Variants in UNC45B observed in about 807,000 individuals in gnomAD.
The protein encoded by UNC45B is protein unc-45 homolog B.
Under a neutral mutation model 98.7 loss-of-function variants are expected in UNC45B, and 78 were observed. The observed-to-expected ratio is 0.79, with a 90% CI of 0.66 to 0.95. UNC45B has a LOEUF of 0.95. UNC45B is among the 40% of genes least tolerant of loss of function. The pLI, the probability that UNC45B is intolerant of heterozygous loss-of-function variation, is 0.00. For synonymous variants in UNC45B, 462 were observed against 480.4 expected (o/e 0.96, Z 0.50); for missense variants, 1,225 against 1,184.9 (o/e 1.03, Z -0.50).
In UNC45B at chr17:35,187,986, A is replaced by C. The variant is rs2092313859; in HGVS notation, c.*1427A>C. ...CGTTGTGTAATAAATGTAAGTGTACATATGCCTGGGACATCAGCTGGAAAA... is the reference window on the plus strand; with the variant it reads ...CGTTGTGTAATAAATGTAAGTGTACCTATGCCTGGGACATCAGCTGGAAAA... On this transcript the variant is annotated 3_prime_UTR_variant, in exon 20 of 20. Coordinates refer to ENST00000394570, the MANE Select transcript of UNC45B (RefSeq NM_001267052.2). The C allele has an allele frequency of 6.6e-6, 1 of 152,262 alleles. No individual in the cohort carries two copies. The highest frequency in any genetic ancestry group is 6.5e-5 in the Admixed American group (1 of 15,288). The allele number at this position is 152,262 out of a possible 1,614,324, so 9.4% of individuals were successfully genotyped here. A position where few individuals can be genotyped will look rare whatever the true frequency, so the allele number is the denominator to read the frequency against.
rs5820105 is a variant in UNC45B, at chr17:35,188,467, CTTTT to C, written c.*1924_*1927del. On this transcript the variant is annotated 3_prime_UTR_variant, in exon 20 of 20. Transcript: ENST00000394570. ...GTTCATCTTGTTTGGATTGGAGAGA[CTTTT>C]TTTTTTTTTTTTTTTGAGACAGGGT... The C allele has an allele frequency of 2.7e-4, 35 of 129,698 alleles. No individual in the cohort carries two copies. The highest frequency in any genetic ancestry group is 6.2e-4 in the Admixed American group (8 of 12,918). The allele number at this position is 129,698 out of a possible 1,614,324, so 8.0% of individuals were successfully genotyped here.
chr17:35,183,981 A>AT (rs1185631991), intron 19 of UNC45B, among the ~76,000 whole-genome samples: 1 of 152,230 alleles, frequency 6.6e-6, no homozygotes, highest in African/African-American at 2.4e-5. Flanking sequence ...AGTGGGCACA[A>AT]TGACCAGCTC....
chr17:35,178,114 G>A (rs1437702704), intron 17 of UNC45B, among the ~76,000 whole-genome samples: 4 of 152,066 alleles, frequency 2.6e-5, no homozygotes, highest in Non-Finnish European at 5.9e-5. Flanking sequence ...TGGCCAAGCT[G>A]GTCTCAAACT....
intron 3 of UNC45B, 147 bp downstream of exon 3, chr17:35,149,156 C>T: frequency 2.0e-6 from 2 of 1,009,708 alleles, no homozygotes; most frequent in Non-Finnish European, 3.0e-6. Flanking sequence ...GGACTGGAAA[C>T]ATATCCTGTG....
At chr17:35,149,921 T>C in intron 3 of UNC45B, 127 bp from the exon 4 acceptor site, 1 of 1,022,456 alleles carries the variant, frequency 9.8e-7, no homozygotes, top group Non-Finnish European at 1.4e-6. Flanking sequence ...AGAGTCCACA[T>C]GGATGGATAA....
chr17:35,177,244 C>T (rs1182746535), intron 16 of UNC45B, 114 bp downstream of exon 16: 9 of 1,019,932 alleles, frequency 8.8e-6, no homozygotes, highest in African/African-American at 3.2e-5. Flanking sequence ...TGCTGTCACA[C>T]GGAGGGTGAT....
chr17:35,170,529 TAA>T (rs35208483), intron 12 of UNC45B, among the ~76,000 whole-genome samples: 3,354 of 70,112 alleles, frequency 0.048, 109 homozygotes, highest in African/African-American at 0.12. Context: ...CTGAGGCAGC[TAA>T]AAAAAAAAAA....
At position 35,169,719 on chromosome 17, in the gene UNC45B, CA is replaced by C. The variant is rs1317615734; in HGVS notation, c.1453-116del. 27 of 826,282 alleles carry C rather than the reference CA, an allele frequency of 3.3e-5. No homozygotes were observed. The East Asian group carries it at 7.1e-4, about 22-fold the overall frequency. The allele number at this position is 826,282 out of a possible 1,614,324, so 51.2% of individuals were successfully genotyped here. A position where few individuals can be genotyped will look rare whatever the true frequency, so the allele number is the denominator to read the frequency against. On this transcript the variant is annotated intron_variant, in intron 10 of 19. Coordinates refer to ENST00000394570, the MANE Select transcript of UNC45B (RefSeq NM_001267052.2). ...TTTACAGTCTGCACAGAGGTGGATC[CA>C]AGCAAAGAAAGAGGGGCGAAGTGTT...
chr17:35,169,973 G>A (rs758596924), intron 11 of UNC45B, 42 bp downstream of exon 11: 22 of 1,611,750 alleles, frequency 1.4e-5, no homozygotes, highest in Middle Eastern at 1.6e-4. Flanking sequence ...CTCCTCATGC[G>A]CCTTCCGGGC....
intron 19 of UNC45B, among the ~76,000 whole-genome samples, 199 bp from the exon 20 acceptor site, chr17:35,186,100 G>T (rs1348533264): frequency 6.6e-6 from 1 of 152,138 alleles, no homozygotes; most frequent in Non-Finnish European, 1.5e-5. Context: ...TACTAGTCTA[G>T]TCCCTTGAGA....
intron 13 of UNC45B, among the ~76,000 whole-genome samples, chr17:35,173,881 C>T (rs1046242337): frequency 2.3e-4 from 34 of 149,098 alleles, no homozygotes; most frequent in Non-Finnish European, 4.3e-4. Flanking sequence ...GGTGCGATCT[C>T]GGCTCACTGC....
intron 8 of UNC45B, among the ~76,000 whole-genome samples, chr17:35,160,706 G>A (rs1334705776): frequency 6.6e-6 from 1 of 152,344 alleles, no homozygotes; most frequent in South Asian, 2.1e-4. Context: ...CCAAAGTGCT[G>A]GAATTACAGG....
intron 18 of UNC45B, 130 bp downstream of exon 18, chr17:35,180,806 G>C: frequency 1.6e-6 from 1 of 610,316 alleles, no homozygotes; most frequent in South Asian, 2.1e-5. Flanking sequence ...AGAAAATCCA[G>C]GAATCCCTAA....
At position 35,168,147 on chromosome 17, in the gene UNC45B, G is replaced by A; in HGVS notation, c.1238G>A (p.Gly413Asp). 4 of 1,604,110 alleles carry A rather than the reference G, an allele frequency of 2.5e-6. No homozygotes were observed. Among genetic ancestry groups the A allele is most frequent in the South Asian group, 1.1e-5 (1 of 89,654 alleles). Reference sequence around the variant, plus strand: ...ATCCTGCAGGGCCCCTTTGACCTGGGCAACCAGCTGCTGGGACTGAAAGGT... The same window carrying A: ...ATCCTGCAGGGCCCCTTTGACCTGGACAACCAGCTGCTGGGACTGAAAGGT... Reference protein sequence around the residue: ...SGILQGPFDLGNQLLGLKGVM... With the variant: ...SGILQGPFDLDNQLLGLKGVM... The change falls in exon 10 of 20, where the codon GGC becomes GAC. Residue 413 changes from glycine to aspartate, a missense_variant. Transcript: ENST00000394570.
intron 4 of UNC45B, among the ~76,000 whole-genome samples, chr17:35,150,998 C>T (rs930318508): frequency 1.2e-4 from 18 of 152,102 alleles, no homozygotes; most frequent in African/African-American, 3.9e-4. Context: ...TCACTCCAAC[C>T]TCTTTCTCCT....
chr17:35,148,523 C>T, intron 2 of UNC45B, 92 bp downstream of exon 2: 1 of 1,434,268 alleles, frequency 7.0e-7, no homozygotes, highest in Non-Finnish European at 9.4e-7. Flanking sequence ...AATTGCCCTT[C>T]ATCCCAGCCG....
At chr17:35,179,902 TA>T (rs35601792) in intron 17 of UNC45B, among the ~76,000 whole-genome samples, 68,476 of 149,638 alleles carry the variant, frequency 0.46, 15,558 homozygotes, top group Middle Eastern at 0.51. Context: ...CTTAAAGTAT[TA>T]AAAAAAAAAA....
rs2092317008 is a variant in UNC45B, at chr17:35,188,636, G to C, written c.*2077G>C. The C allele has an allele frequency of 6.6e-6, 1 of 151,970 alleles. No homozygotes were observed. The highest frequency in any genetic ancestry group is 6.6e-5 in the Admixed American group (1 of 15,246). 9.4% of individuals were successfully genotyped at this position (151,970 alleles called of 1,614,324 possible). A position where few individuals can be genotyped will look rare whatever the true frequency, so the allele number is the denominator to read the frequency against. ...CTACAGGCACACACCACCACCCCCA[G>C]GTAATTAAAAAATTTTTTTTTGTAG... On this transcript the variant is annotated 3_prime_UTR_variant, in exon 20 of 20. Transcript: ENST00000394570.
Position 35,188,748 on chromosome 17 carries a change from A to G in UNC45B, c.*2189A>G, listed in dbSNP as rs1310075460. The G allele has an allele frequency of 6.6e-6, 1 of 152,184 alleles. No homozygotes were observed. The highest frequency in any genetic ancestry group is 6.5e-5 in the Admixed American group (1 of 15,278). 9.4% of individuals were successfully genotyped at this position (152,184 alleles called of 1,614,324 possible). On this transcript the variant is annotated 3_prime_UTR_variant, in exon 20 of 20. Transcript: ENST00000394570. ...TAAATAGTCCAAGAAGATCTAGAGG[A>G]AAGCTGAATTCCTTCATCTGATTTT...
Sources: gnomAD v4.1 joint callset for allele counts (sites outside exome capture counted in the v4.1 genomes callset) on GRCh38, gnomAD v4.1.1 for gene constraint, MANE v1.5 for transcripts, NCBI Gene and HGNC (gene_info 2026-07-23, HGNC 2026-07-21) for gene names.